STK3: variants seen among roughly 807,000 people sequenced by gnomAD.
The protein encoded by STK3 is serine/threonine kinase 3.
In STK3, 41 loss-of-function variants were observed where a neutral mutation model predicts 58.0. The ratio of observed to expected loss-of-function variants is 0.71; its 90% CI spans 0.55 to 0.92. The LOEUF is 0.92. Among genes scored for constraint, STK3 ranks in the 40% least tolerant of loss-of-function variants. The pLI is 0.00. For missense variants in STK3, 479 were observed against 602.7 expected, an observed-to-expected ratio of 0.79 and a Z score of 2.15; for synonymous variants, 170 against 191.0, an observed-to-expected ratio of 0.89 and a Z score of 0.91.
At chr8:98,430,963 T>C (rs1178838574) in intron 3 of STK3, 1 of 167,150 alleles carries the variant, frequency 6.0e-6, no homozygotes, top group Admixed American at 6.5e-5. Context: ...TGGGTTCCTC[T>C]ATAAGATAAT....
intron 6 of STK3, among the ~76,000 whole-genome samples, chr8:98,685,670 A>T (rs1271226755): frequency 6.6e-6 from 1 of 152,108 alleles, no homozygotes; most frequent in Non-Finnish European, 1.5e-5. Context: ...TTCCCTGATG[A>T]TCCCATTTCT....
intron 6 of STK3, among the ~76,000 whole-genome samples, chr8:98,630,776 A>G (rs1276827249): frequency 6.7e-6 from 1 of 148,376 alleles, no homozygotes; most frequent in Non-Finnish European, 1.5e-5. Flanking sequence ...AAGAAGAAGA[A>G]GAGGAAGAGG....
chr8:98,664,087 G>T (rs186899459), intron 6 of STK3, among the ~76,000 whole-genome samples: 2 of 152,144 alleles, frequency 1.3e-5, no homozygotes, highest in Non-Finnish European at 2.9e-5. Context: ...CTCTGCAAAG[G>T]AAAAGAAAAC....
intron 6 of STK3, among the ~76,000 whole-genome samples, chr8:98,630,880 A>C (rs1819169226): frequency 6.6e-6 from 1 of 152,114 alleles, no homozygotes; most frequent in Non-Finnish European, 1.5e-5. Flanking sequence ...CCAAAGCAGA[A>C]TGTTTTAAGA....
At chr8:98,781,796 T>TAA (rs75163285) in intron 1 of STK3, among the ~76,000 whole-genome samples, 2 of 142,936 alleles carry the variant, frequency 1.4e-5, no homozygotes, top group Non-Finnish European at 3.1e-5. Context: ...GTCAAAAAAA[T>TAA]AAAAAAAAAA....
chr8:98,910,690 T>C (rs1000186710), intron 1 of STK3, among the ~76,000 whole-genome samples: 5 of 152,224 alleles, frequency 3.3e-5, no homozygotes, highest in African/African-American at 1.2e-4. Flanking sequence ...TGTGCATTAC[T>C]GCTGGGTTGT....
chr8:98,391,137 T>C (rs1163572708), upstream of STK3, among the ~76,000 whole-genome samples: 1 of 152,248 alleles, frequency 6.6e-6, no homozygotes, highest in African/African-American at 2.4e-5. Context: ...TATTAGACTA[T>C]GAGACTTTGT....
intron 1 of STK3, among the ~76,000 whole-genome samples, chr8:98,386,618 C>G (rs755059738): frequency 5.9e-5 from 9 of 152,084 alleles, no homozygotes; most frequent in Non-Finnish European, 1.2e-4. Context: ...GGAAATAAAA[C>G]AGAAAAGCCA....
At chr8:98,766,540 C>A (rs1487403103) in intron 3 of STK3, among the ~76,000 whole-genome samples, 1 of 152,150 alleles carries the variant, frequency 6.6e-6, no homozygotes, top group Non-Finnish European at 1.5e-5. Flanking sequence ...GCCTCAGCTT[C>A]CCAAGTAGCT....
At chr8:98,881,447 G>A (rs1837790597), downstream of STK3, 1 of 152,144 alleles carries the variant, frequency 6.6e-6, no homozygotes, top group Non-Finnish European at 1.5e-5. Context: ...GTTGTGGTGG[G>A]TATATGTCAT....
intron 1 of STK3, among the ~76,000 whole-genome samples, chr8:98,901,829 T>G (rs1203677907): frequency 6.6e-6 from 1 of 152,204 alleles, no homozygotes; most frequent in African/African-American, 2.4e-5. Context: ...CCCAGAAATG[T>G]GAAACTGCTG....
chr8:98,886,133 G>A (rs1416171088), intron 1 of STK3, among the ~76,000 whole-genome samples: 1 of 152,104 alleles, frequency 6.6e-6, no homozygotes. Context: ...CTTGATTGTG[G>A]TGGTGGTTAC....
chr8:98,578,499 A>T (rs917500490), intron 8 of STK3, among the ~76,000 whole-genome samples: 1 of 152,204 alleles, frequency 6.6e-6, no homozygotes, highest in African/African-American at 2.4e-5. Context: ...AAAGATGCAC[A>T]TTTCTCCTTG....
intron 1 of STK3, among the ~76,000 whole-genome samples, chr8:98,824,510 G>C (rs1314084184): frequency 2.0e-5 from 3 of 152,222 alleles, no homozygotes; most frequent in East Asian, 3.8e-4. Flanking sequence ...CCAATGAGTA[G>C]AATGCAGGTA....
At position 98,490,529 on chromosome 8, in the gene STK3, A is replaced by G. The variant is rs549362733; in HGVS notation, c.1318-34529T>C. ...AACAGCTGCATCGTATCAGTCTTTC[A>G]TCTGTTTTTACACTGGTCCCAACCC... On this transcript the variant is annotated intron_variant, in intron 10 of 10. Transcript: ENST00000419617. 1.9e-4 allele frequency among the ~76,000 whole-genome samples: 29 copies of G among 152,304 alleles called. 1 individual carries two copies. The highest frequency in any genetic ancestry group is 6.7e-4 in the African/African-American group (28 of 41,560).
chr8:98,700,831 T>G (rs903075996), intron 6 of STK3, among the ~76,000 whole-genome samples: 1 of 152,146 alleles, frequency 6.6e-6, no homozygotes, highest in Non-Finnish European at 1.5e-5. Context: ...CCTTTCCCTA[T>G]GCTGAACAAC....
At chr8:98,902,619 C>T (rs1043072440) in intron 1 of STK3, among the ~76,000 whole-genome samples, 5 of 152,210 alleles carry the variant, frequency 3.3e-5, no homozygotes, top group African/African-American at 1.2e-4. Context: ...CCGTCCTGGC[C>T]CAAGCCTTCT....
At chr8:98,528,464 T>C (rs1454044072) in intron 9 of STK3, among the ~76,000 whole-genome samples, 1 of 152,138 alleles carries the variant, frequency 6.6e-6, no homozygotes, top group African/African-American at 2.4e-5. Context: ...ATTCTCCAAA[T>C]AGAAAGTAAG....
At chr8:98,481,499 C>G (rs1449222523) in intron 10 of STK3, among the ~76,000 whole-genome samples, 2 of 152,006 alleles carry the variant, frequency 1.3e-5, no homozygotes, top group African/African-American at 4.8e-5. Context: ...GAAAGGAAAA[C>G]CAAATACTGC....
Sources: gnomAD v4.1 joint callset for allele counts (sites outside exome capture counted in the v4.1 genomes callset) on GRCh38, gnomAD v4.1.1 for gene constraint, MANE v1.5 for transcripts, NCBI Gene and HGNC (gene_info 2026-07-23, HGNC 2026-07-21) for gene names.